The following GALNT7 variants were observed in gnomAD, a reference collection of about 807,000 sequenced individuals.
The protein encoded by GALNT7 is N-acetylgalactosaminyltransferase 7.
In GALNT7, 60 loss-of-function variants were observed where a neutral mutation model predicts 82.1. The ratio of observed to expected loss-of-function variants is 0.73; its 90% CI spans 0.59 to 0.91. The LOEUF (loss-of-function observed/expected upper bound fraction) is 0.91. Among genes scored for constraint, GALNT7 ranks in the 40% least tolerant of loss-of-function variants. The probability of loss-of-function intolerance (pLI) is 0.00; values close to 1 mark genes in which losing one functional copy is unlikely to be tolerated. For synonymous variants in GALNT7, 243 were observed against 275.1 expected (o/e 0.88, Z 1.15); for missense variants, 660 against 804.2 (o/e 0.82, Z 2.17).
intron 11 of GALNT7, 54 bp from the exon 12 acceptor site, chr4:173,321,526 G>A: frequency 7.7e-7 from 1 of 1,304,762 alleles, no homozygotes. Flanking sequence ...GATTTCTGAT[G>A]TCAGTGATAT....
chr4:173,169,911 C>T (rs922309681), intron 1 of GALNT7, among the ~76,000 whole-genome samples: 61 of 152,188 alleles, frequency 4.0e-4, no homozygotes, highest in African/African-American at 1.4e-3. Flanking sequence ...AGGGGAGCGG[C>T]GGCGCGGAGC....
chr4:173,207,534 C>T (rs551912844), intron 1 of GALNT7, among the ~76,000 whole-genome samples: 1 of 152,146 alleles, frequency 6.6e-6, no homozygotes, highest in Admixed American at 6.5e-5. Context: ...TAAAATTGTT[C>T]AGCTAATCCT....
chr4:173,260,502 G>A (rs898531631), intron 2 of GALNT7, among the ~76,000 whole-genome samples: 2 of 152,016 alleles, frequency 1.3e-5, no homozygotes, highest in African/African-American at 4.8e-5. Context: ...GTTATTTTAT[G>A]TATAGGAAAA....
intron 1 of GALNT7, among the ~76,000 whole-genome samples, chr4:173,210,201 C>T (rs978874437): frequency 6.6e-6 from 1 of 151,812 alleles, no homozygotes; most frequent in Non-Finnish European, 1.5e-5. Context: ...GCAGCATCAA[C>T]ATAACTGGCT....
chr4:173,210,076 G>C (rs555567066), intron 1 of GALNT7, among the ~76,000 whole-genome samples: 1 of 152,068 alleles, frequency 6.6e-6, no homozygotes, highest in Admixed American at 6.5e-5. Flanking sequence ...CGAGGTTGCA[G>C]TGACCTGAGA....
chr4:173,211,023 T>G (rs2126670989), intron 1 of GALNT7, among the ~76,000 whole-genome samples: 2 of 152,302 alleles, frequency 1.3e-5, no homozygotes, highest in Admixed American at 1.3e-4. Context: ...AATATTGAGA[T>G]GCCTTACATT....
chr4:173,240,393 G>A (rs1166234187), intron 1 of GALNT7, among the ~76,000 whole-genome samples: 11 of 116,658 alleles, frequency 9.4e-5, no homozygotes, highest in African/African-American at 3.8e-4. Flanking sequence ...TTTTGAGACA[G>A]AGCTTCGCTT....
Position 173,247,998 on chromosome 4 carries a change from G to T in GALNT7, c.145G>T (p.Asp49Tyr). Reference sequence around the variant, plus strand: ...TGTATAGGAAGACAGAGATGTCAATGACCCCATGCCCAACCGAGGCGGCAA... The same window carrying T: ...TGTATAGGAAGACAGAGATGTCAATTACCCCATGCCCAACCGAGGCGGCAA... ...SRMREDRDVNDPMPNRGGNGL... is the reference protein window; with the variant it reads ...SRMREDRDVNYPMPNRGGNGL... The change falls in exon 2 of 12, where the codon GAC (aspartate) becomes TAC (tyrosine). Residue 49 changes from aspartate to tyrosine, a missense_variant. By Grantham distance (160) the Asp-to-Tyr change is radical (BLOSUM62 -3). Transcript: ENST00000265000. 1 of 1,611,474 alleles carries T rather than the reference G, an allele frequency of 6.2e-7. No individual in the cohort carries two copies. Among genetic ancestry groups the T allele is most frequent in the South Asian group, 1.1e-5 (1 of 90,922 alleles).
chr4:173,196,986 A>C (rs1304071514), intron 1 of GALNT7, among the ~76,000 whole-genome samples: 8 of 151,884 alleles, frequency 5.3e-5, no homozygotes, highest in African/African-American at 1.9e-4. Flanking sequence ...TTCTTTGCCC[A>C]GACACCCAGA....
chr4:173,213,891 T>G (rs1470528106), intron 1 of GALNT7, among the ~76,000 whole-genome samples: 1 of 152,242 alleles, frequency 6.6e-6, no homozygotes, highest in Non-Finnish European at 1.5e-5. Flanking sequence ...CATCCTTTCC[T>G]GTTACTCCAA....
intron 2 of GALNT7, among the ~76,000 whole-genome samples, chr4:173,286,348 G>T (rs755856711): frequency 6.6e-6 from 1 of 152,204 alleles, no homozygotes; most frequent in Non-Finnish European, 1.5e-5. Context: ...TTAAGGAGGC[G>T]ATTGTCTGTT....
At chr4:173,278,199 A>G (rs1423216951) in intron 2 of GALNT7, among the ~76,000 whole-genome samples, 1 of 152,250 alleles carries the variant, frequency 6.6e-6, no homozygotes, top group African/African-American at 2.4e-5. Flanking sequence ...GCTACACCTA[A>G]AAGAAGACAT....
At chr4:173,311,111 A>G (rs767701749) in intron 8 of GALNT7, among the ~76,000 whole-genome samples, 48 of 152,254 alleles carry the variant, frequency 3.2e-4, no homozygotes, top group Middle Eastern at 3.4e-3. Flanking sequence ...ATACACCATG[A>G]TTTGTCATAC....
chr4:173,297,808 G>A (rs776681484), intron 5 of GALNT7: 10 of 1,433,046 alleles, frequency 7.0e-6, no homozygotes, highest in South Asian at 1.5e-5. Flanking sequence ...TACATGTACT[G>A]TGCCTCTAAT....
chr4:173,170,117 C>A lies in GALNT7; in HGVS notation c.126+1156C>A, dbSNP rs527529975. 1.8e-4 allele frequency among the ~76,000 whole-genome samples: 28 copies of A among 152,272 alleles called. No homozygotes were observed. The East Asian group carries it at 5.1e-3, about 28-fold the overall frequency. ...GGGCGGCGCGCACCGGCCTCGCCCC[C>A]GACCCTGACCTGCTTCCCCCCGGAT... On this transcript the variant is annotated intron_variant, in intron 1 of 11. Coordinates refer to ENST00000265000, the MANE Select transcript of GALNT7 (RefSeq NM_017423.3).
intron 1 of GALNT7, among the ~76,000 whole-genome samples, chr4:173,194,970 T>C (rs924453290): frequency 1.2e-4 from 18 of 152,218 alleles, no homozygotes; most frequent in Non-Finnish European, 2.1e-4. Context: ...GCTTAGATTT[T>C]CTTAGCTAAA....
intron 1 of GALNT7, among the ~76,000 whole-genome samples, chr4:173,201,438 T>G (rs530751480): frequency 6.6e-6 from 1 of 152,302 alleles, no homozygotes; most frequent in Non-Finnish European, 1.5e-5. Flanking sequence ...CCTTGCTGCC[T>G]TATGGAATCA....
chr4:173,231,395 T>C (rs1734028904), intron 1 of GALNT7, among the ~76,000 whole-genome samples: 2 of 152,220 alleles, frequency 1.3e-5, no homozygotes, highest in Non-Finnish European at 1.5e-5. Flanking sequence ...TCTGGGTTTC[T>C]ACAAAGTAGA....
chr4:173,215,363 A>T (rs2126678169), intron 1 of GALNT7, among the ~76,000 whole-genome samples: 1 of 151,636 alleles, frequency 6.6e-6, no homozygotes, highest in South Asian at 2.1e-4. Flanking sequence ...TCCAAGTAGC[A>T]GTGATTACAG....
Sources: gnomAD v4.1 joint callset for allele counts (sites outside exome capture counted in the v4.1 genomes callset) on GRCh38, gnomAD v4.1.1 for gene constraint, MANE v1.5 for transcripts, NCBI Gene and HGNC (gene_info 2026-07-23, HGNC 2026-07-21) for gene names.